MED14: variants seen among roughly 807,000 people sequenced by gnomAD.
MED14 encodes the protein mediator complex subunit 14.
In MED14, 8 loss-of-function variants were observed where a neutral mutation model predicts 109.0. The observed-to-expected ratio is 0.07, with a 90% CI of 0.04 to 0.13. The LOEUF is 0.13. Ranked by LOEUF, MED14 falls within the 10% of genes least tolerant of loss-of-function variation. MED14 has a pLI of 1.00. For synonymous variants in MED14, 399 were observed against 408.7 expected, an observed-to-expected ratio of 0.98 and a Z score of 0.29; for missense variants, 711 against 1,142.4, an observed-to-expected ratio of 0.62 and a Z score of 5.44.
At chrX:40,680,271 A>G in intron 20 of MED14, 138 bp from the exon 21 acceptor site, 1 of 595,289 alleles carries the variant, frequency 1.7e-6, no homozygotes. Context: ...AAGAGAATGC[A>G]AACTAGATCA....
At chrX:40,676,637 G>A (rs1033928723) in intron 21 of MED14, among the ~76,000 whole-genome samples, 2 of 111,786 alleles carry the variant, frequency 1.8e-5, no homozygotes, top group Non-Finnish European at 3.8e-5. Context: ...AATTGTAATC[G>A]AATTGTAATC....
chrX:40,713,150 T>C, intron 5 of MED14, 108 bp from the exon 6 acceptor site: 3 of 764,379 alleles, frequency 3.9e-6, no homozygotes, highest in East Asian at 3.6e-5. Flanking sequence ...TTTAAATAGA[T>C]TGAAGGTTCT....
chrX:40,735,897 C>A, upstream of MED14: 1 of 267,569 alleles, frequency 3.7e-6, no homozygotes. Context: ...AGCCGCGCGC[C>A]GCCGGAAACC....
rs377353653 is a variant in MED14 at position 40,732,649 on chromosome X, G to A, written c.215+2549C>T. 9.0e-5 allele frequency among the ~76,000 whole-genome samples: 10 copies of A among 110,785 alleles called. No individual in the cohort carries two copies. In the East Asian group the frequency reaches 2.8e-3, roughly 31 times the overall value. On this transcript the variant is annotated intron_variant, in intron 1 of 30. Coordinates refer to ENST00000324817, the MANE Select transcript of MED14 (RefSeq NM_004229.4). Reference sequence around the variant, plus strand: ...AAAAAAATTAGCTGGGCGTGGTGGCGCATGCCTGTAGTTCCAGCTATTTGG... The same window carrying A: ...AAAAAAATTAGCTGGGCGTGGTGGCACATGCCTGTAGTTCCAGCTATTTGG...
Position 40,650,359 on chromosome X carries a change from CAG to C in MED14, c.*1445_*1446del, listed in dbSNP as rs1928818460. On this transcript the variant is annotated 3_prime_UTR_variant, in exon 31 of 31. Coordinates refer to ENST00000324817, the MANE Select transcript of MED14 (RefSeq NM_004229.4). ...GTTGAGAACAGATATGATATAGGTA[CAG>C]TGAGATACTTGAAACTAGAATTTGA... 2.7e-6 allele frequency: 2 copies of C among 750,296 alleles called. No homozygotes were observed. Among genetic ancestry groups the C allele is most frequent in the African/African-American group, 4.6e-5 (2 of 43,182 alleles). 61.8% of individuals were successfully genotyped at this position (750,296 alleles called of 1,213,427 possible).
intron 28 of MED14, among the ~76,000 whole-genome samples, chrX:40,657,660 C>T (rs1018124174): frequency 8.9e-6 from 1 of 111,946 alleles, no homozygotes; most frequent in South Asian, 3.7e-4. Context: ...CGAATGCAGA[C>T]TGAGCTATGC....
chrX:40,667,076 G>A (rs1929522182), intron 23 of MED14, among the ~76,000 whole-genome samples: 1 of 111,210 alleles, frequency 9.0e-6, no homozygotes, highest in South Asian at 3.8e-4. Flanking sequence ...AAAAAATCCG[G>A]TGTACTTTTT....
chrX:40,680,190 A>T, intron 20 of MED14, 57 bp from the exon 21 acceptor site: 1 of 1,115,926 alleles, frequency 9.0e-7, no homozygotes, highest in Non-Finnish European at 1.2e-6. Context: ...TTAAAACCTC[A>T]GAATTTTCAG....
At chrX:40,659,678 C>G in intron 26 of MED14, 71 bp from the exon 27 acceptor site, 1 of 1,046,376 alleles carries the variant, frequency 9.6e-7, no homozygotes, top group Non-Finnish European at 1.3e-6. Context: ...GAGAATTGTT[C>G]CAAAAGGAAA....
At chrX:40,660,880 C>T (rs1929239459) in intron 26 of MED14, among the ~76,000 whole-genome samples, 1 of 113,140 alleles carries the variant, frequency 8.8e-6, no homozygotes, top group Non-Finnish European at 1.9e-5. Flanking sequence ...TTACACTAAA[C>T]ATGGAGTGAA....
chrX:40,719,533 C>T (rs893852063), intron 3 of MED14, among the ~76,000 whole-genome samples: 2 of 111,186 alleles, frequency 1.8e-5, no homozygotes, highest in African/African-American at 6.5e-5. Flanking sequence ...AAAAAAAATG[C>T]TAAGTTAAAG....
At chrX:40,676,966 C>A (rs781362511) in intron 21 of MED14, among the ~76,000 whole-genome samples, 3 of 111,240 alleles carry the variant, frequency 2.7e-5, no homozygotes, top group Non-Finnish European at 5.7e-5. Context: ...ATATGGGTAC[C>A]TTTGGAAGTG....
At position 40,650,447 on chromosome X, in the gene MED14, A is replaced by G; in HGVS notation, c.*1359T>C. On this transcript the variant is annotated 3_prime_UTR_variant, in exon 31 of 31. Transcript: ENST00000324817. ...TGAAGTGGAATTAGACAAAGCATCT[A>G]CATTTTAATGGAGAACCAGTATTAC... 1 of 754,243 alleles carries G rather than the reference A, an allele frequency of 1.3e-6. No individual in the cohort carries two copies. The highest frequency in any genetic ancestry group is 1.6e-6 in the Non-Finnish European group (1 of 639,038). 62.2% of individuals were successfully genotyped at this position (754,243 alleles called of 1,213,427 possible).
intron 24 of MED14, among the ~76,000 whole-genome samples, chrX:40,665,893 T>C: frequency 8.9e-6 from 1 of 112,531 alleles, no homozygotes; most frequent in Non-Finnish European, 1.9e-5. Flanking sequence ...TCTAAACATG[T>C]AACAATAGGA....
intron 3 of MED14, among the ~76,000 whole-genome samples, chrX:40,715,572 G>A (rs1205145733): frequency 1.8e-5 from 2 of 109,661 alleles, no homozygotes; most frequent in African/African-American, 6.6e-5. Context: ...AGGTCACGAG[G>A]TCAGGAGATT....
At chrX:40,687,503 T>G (rs1009944161) in intron 16 of MED14, among the ~76,000 whole-genome samples, 1 of 111,859 alleles carries the variant, frequency 8.9e-6, no homozygotes, top group African/African-American at 3.3e-5. Flanking sequence ...TTAGTGCCAT[T>G]AGGATAAAGC....
At chrX:40,679,640 G>C (rs1348554889) in intron 21 of MED14, among the ~76,000 whole-genome samples, 1 of 112,158 alleles carries the variant, frequency 8.9e-6, no homozygotes, top group Non-Finnish European at 1.9e-5. Context: ...CAGAAGGTAA[G>C]AATATAAAGA....
intron 1 of MED14, among the ~76,000 whole-genome samples, chrX:40,731,574 A>G (rs1460251981): frequency 8.9e-6 from 1 of 112,326 alleles, no homozygotes; most frequent in African/African-American, 3.2e-5. Flanking sequence ...CCCATGGTTT[A>G]CAATTCTTTT....
At position 40,703,576 on chromosome X, in the gene MED14, A is replaced by G; in HGVS notation, c.1286-7T>C. On this transcript the variant is annotated splice_polypyrimidine_tract_variant and splice_region_variant and intron_variant, in intron 10 of 30. Transcript: ENST00000324817. ...AGTGCAGTCTCTATGGAAGCTGAAC[A>G]ATCAAGAATTAAAAATTATTTTTCT... 5 of 1,141,820 alleles carry G rather than the reference A, an allele frequency of 4.4e-6. No individual in the cohort carries two copies. The highest frequency in any genetic ancestry group is 5.8e-6 in the Non-Finnish European group (5 of 854,994). 94.1% of individuals were successfully genotyped at this position (1,141,820 alleles called of 1,213,427 possible). A position where few individuals can be genotyped will look rare whatever the true frequency, so the allele number is the denominator to read the frequency against.
Sources: gnomAD v4.1 joint callset for allele counts (sites outside exome capture counted in the v4.1 genomes callset) on GRCh38, gnomAD v4.1.1 for gene constraint, MANE v1.5 for transcripts, NCBI Gene and HGNC (gene_info 2026-07-23, HGNC 2026-07-21) for gene names.